COG5: variants seen among roughly 807,000 people sequenced by gnomAD.
COG5 encodes conserved oligomeric Golgi complex subunit 5.
In COG5, 86 loss-of-function variants were observed where a neutral mutation model predicts 110.4. The observed-to-expected ratio is 0.78, with a 90% CI of 0.65 to 0.93. The LOEUF is 0.93. Among genes scored for constraint, COG5 ranks in the 40% least tolerant of loss-of-function variants. The pLI is 0.00. For missense variants in COG5, 1,077 were observed against 987.0 expected (o/e 1.09, Z -1.22); for synonymous variants, 360 against 334.6 (o/e 1.08, Z -0.83).
intron 6 of COG5, among the ~76,000 whole-genome samples, chr7:107,506,693 G>A (rs1247121546): frequency 6.6e-6 from 1 of 152,104 alleles, no homozygotes; most frequent in Non-Finnish European, 1.5e-5. Flanking sequence ...ACTCAAAACT[G>A]CCCCAAGCCA....
At chr7:107,530,176 T>C (rs1801095650) in intron 5 of COG5, among the ~76,000 whole-genome samples, 1 of 152,218 alleles carries the variant, frequency 6.6e-6, no homozygotes, top group African/African-American at 2.4e-5. Context: ...ACAAAAGTTG[T>C]TATTTTACCT....
chr7:107,519,881 T>C (rs1259230795), intron 6 of COG5, among the ~76,000 whole-genome samples: 1 of 152,136 alleles, frequency 6.6e-6, no homozygotes, highest in Non-Finnish European at 1.5e-5. Context: ...TGAACATCGA[T>C]GTGAAAATCC....
chr7:107,486,676 T>G (rs188205926), intron 6 of COG5, among the ~76,000 whole-genome samples: 1 of 151,648 alleles, frequency 6.6e-6, no homozygotes, highest in Non-Finnish European at 1.5e-5. Context: ...AAAAGGAAAA[T>G]AGACAAACAA....
At chr7:107,522,237 G>C (rs2129152634) in intron 6 of COG5, among the ~76,000 whole-genome samples, 1 of 152,346 alleles carries the variant, frequency 6.6e-6, no homozygotes, top group East Asian at 1.9e-4. Flanking sequence ...GGGAGGCCGA[G>C]GCGGGCAGGT....
At position 107,298,259 on chromosome 7, in the gene COG5, T is replaced by C. The variant is rs750191263; in HGVS notation, c.1196A>G (p.Tyr399Cys). 7 of 1,613,264 alleles carry C rather than the reference T, an allele frequency of 4.3e-6. No individual in the cohort carries two copies. The highest frequency in any genetic ancestry group is 2.7e-5 in the African/African-American group (2 of 74,896). ...YNDLWKRLQQYSQHIQGNFNA... is the reference protein window; with the variant it reads ...YNDLWKRLQQCSQHIQGNFNA... ...AAAATTCCCTTGGATATGCTGACTG[T>C]ATTGTTGAAGACGCTTCCATAAGTC... Residue 399 changes from tyrosine (Y) to cysteine (C), a missense_variant, in exon 12 of 22, where the codon TAC (tyrosine) becomes TGC (cysteine). By Grantham distance (194) the Tyr-to-Cys change is radical. Coordinates refer to ENST00000297135, the MANE Select transcript of COG5 (RefSeq NM_006348.5).
At chr7:107,407,881 A>T (rs1214639550) in intron 7 of COG5, among the ~76,000 whole-genome samples, 2 of 152,206 alleles carry the variant, frequency 1.3e-5, no homozygotes, top group Non-Finnish European at 2.9e-5. Context: ...GGGATGTAGC[A>T]AGATGGCAAA....
intron 6 of COG5, among the ~76,000 whole-genome samples, chr7:107,501,008 T>C (rs532672837): frequency 5.9e-5 from 9 of 152,226 alleles, no homozygotes; most frequent in African/African-American, 2.2e-4. Flanking sequence ...CTGTTTCACA[T>C]TGTTACTGGC....
chr7:107,499,780 A>C (rs1798520803), intron 6 of COG5, among the ~76,000 whole-genome samples: 1 of 152,130 alleles, frequency 6.6e-6, no homozygotes, highest in Non-Finnish European at 1.5e-5. Context: ...CAAATAGGCG[A>C]ATAGTGTATC....
chr7:107,498,861 C>A (rs1342744491), intron 6 of COG5, among the ~76,000 whole-genome samples: 2 of 152,152 alleles, frequency 1.3e-5, no homozygotes, highest in African/African-American at 4.8e-5. Context: ...CACAGCAGCA[C>A]TATTTACAAC....
intron 19 of COG5, among the ~76,000 whole-genome samples, chr7:107,217,944 C>T (rs1033744768): frequency 6.6e-6 from 1 of 151,996 alleles, no homozygotes; most frequent in Non-Finnish European, 1.5e-5. Context: ...TTGCATATGA[C>T]ATTATCTTAC....
At chr7:107,333,825 A>T (rs1810472552) in intron 10 of COG5, among the ~76,000 whole-genome samples, 2 of 152,192 alleles carry the variant, frequency 1.3e-5, no homozygotes, top group Non-Finnish European at 2.9e-5. Flanking sequence ...TACATAGAGT[A>T]AAAAGTAAAA....
chr7:107,543,927 G>GCC (rs1431646692), intron 5 of COG5, among the ~76,000 whole-genome samples: 3 of 151,804 alleles, frequency 2.0e-5, no homozygotes, highest in Non-Finnish European at 4.4e-5. Context: ...AGAACCCAGT[G>GCC]CCAGGCCTGC....
chr7:107,283,864 T>C (rs112811361), intron 12 of COG5, 132 bp from the exon 13 acceptor site: 9 of 672,972 alleles, frequency 1.3e-5, no homozygotes, highest in African/African-American at 1.3e-4. Context: ...AAAAAGAAAA[T>C]AATTTGTTTC....
chr7:107,379,047 A>G (rs1814875172), intron 7 of COG5, among the ~76,000 whole-genome samples: 1 of 152,234 alleles, frequency 6.6e-6, no homozygotes, highest in South Asian at 2.1e-4. Context: ...CACAAAGGGA[A>G]GCCCATCAGA....
chr7:107,351,357 T>C (rs567069857), intron 10 of COG5, among the ~76,000 whole-genome samples: 30 of 152,264 alleles, frequency 2.0e-4, no homozygotes, highest in African/African-American at 7.2e-4. Context: ...ATAAAAACCC[T>C]GGAAGAAAAC....
intron 10 of COG5, among the ~76,000 whole-genome samples, chr7:107,346,757 G>T (rs1270905410): frequency 6.6e-6 from 1 of 151,526 alleles, no homozygotes; most frequent in Non-Finnish European, 1.5e-5. Flanking sequence ...CAATCTGCAG[G>T]TTTGTTACAT....
intron 6 of COG5, among the ~76,000 whole-genome samples, chr7:107,500,145 T>C (rs574775247): frequency 1.3e-5 from 2 of 152,244 alleles, no homozygotes; most frequent in Admixed American, 6.5e-5. Context: ...TGAATATAGA[T>C]CCACGTGCCA....
chr7:107,259,483 A>ATGGG (rs1354707612), intron 14 of COG5, among the ~76,000 whole-genome samples: 1 of 152,186 alleles, frequency 6.6e-6, no homozygotes, highest in Non-Finnish European at 1.5e-5. Flanking sequence ...AAAGCAAATG[A>ATGGG]TGGGCTCTGT....
chr7:107,395,780 C>T (rs1466419852), intron 7 of COG5, among the ~76,000 whole-genome samples: 1 of 151,976 alleles, frequency 6.6e-6, no homozygotes, highest in Non-Finnish European at 1.5e-5. Context: ...GTCTTGAACT[C>T]CCAACCTCAG....
Sources: allele counts gnomAD v4.1 joint callset (sites outside exome capture counted in the v4.1 genomes callset), GRCh38; gene constraint gnomAD v4.1.1; transcripts MANE v1.5; gene names NCBI Gene and HGNC (gene_info 2026-07-23, HGNC 2026-07-21).